COMMD10: variants seen among roughly 807,000 people sequenced by gnomAD.
COMMD10 encodes the protein COMM domain containing 10.
In COMMD10, 33 loss-of-function variants were observed where a neutral mutation model predicts 28.9. The ratio of observed to expected loss-of-function variants is 1.14; its 90% confidence interval spans 0.87 to 1.53. The LOEUF (loss-of-function observed/expected upper bound fraction) is 1.53. Among genes scored for constraint, COMMD10 ranks in the 40% most tolerant of loss-of-function variants. COMMD10 has a pLI of 0.00. For missense variants in COMMD10, 310 were observed against 233.4 expected, an observed-to-expected ratio of 1.33 and a Z score of -2.14; for synonymous variants, 110 against 81.7, an observed-to-expected ratio of 1.35 and a Z score of -1.87.
intron 5 of COMMD10, among the ~76,000 whole-genome samples, chr5:116,191,886 C>T (rs901097382): frequency 3.9e-5 from 6 of 151,954 alleles, no homozygotes; most frequent in African/African-American, 1.2e-4. Flanking sequence ...TCATGGAGTC[C>T]GTTGCACAAC....
chr5:116,108,295 C>A (rs1195858157), intron 4 of COMMD10, among the ~76,000 whole-genome samples: 2 of 152,246 alleles, frequency 1.3e-5, no homozygotes, highest in South Asian at 4.1e-4. Context: ...TCCCCAGGTG[C>A]TCTGTCCCAG....
At chr5:116,140,921 G>A (rs1035729463) in intron 5 of COMMD10, among the ~76,000 whole-genome samples, 4 of 151,736 alleles carry the variant, frequency 2.6e-5, no homozygotes, top group African/African-American at 9.7e-5. Context: ...CTGTACAGGA[G>A]CTTTTAGTTT....
At chr5:116,096,281 C>CT (rs1258489838) in intron 4 of COMMD10, among the ~76,000 whole-genome samples, 1 of 149,966 alleles carries the variant, frequency 6.7e-6, no homozygotes, top group Non-Finnish European at 1.5e-5. Flanking sequence ...TTGTTTTCAG[C>CT]TTATCAATCC....
At chr5:116,276,004 A>G (rs560449069) in intron 5 of COMMD10, among the ~76,000 whole-genome samples, 16 of 151,236 alleles carry the variant, frequency 1.1e-4, no homozygotes, top group African/African-American at 2.9e-4. Context: ...GGAACACACT[A>G]TGTTTTGGAA....
chr5:116,272,649 G>A (rs1033195923), intron 5 of COMMD10, among the ~76,000 whole-genome samples: 11 of 151,760 alleles, frequency 7.2e-5, no homozygotes, highest in African/African-American at 2.4e-4. Context: ...TACATATCCT[G>A]TTACCATTCT....
intron 4 of COMMD10, among the ~76,000 whole-genome samples, chr5:116,096,212 A>G (rs571134883): frequency 1.3e-5 from 2 of 152,122 alleles, no homozygotes; most frequent in East Asian, 1.9e-4. Flanking sequence ...TGACTCCTTA[A>G]TAAGTATTGA....
intron 5 of COMMD10, among the ~76,000 whole-genome samples, chr5:116,278,823 T>TA (rs1214776228): frequency 6.6e-6 from 1 of 151,772 alleles, no homozygotes; most frequent in East Asian, 1.9e-4. Context: ...AATAAATACT[T>TA]AGAGTGTAAT....
chr5:116,215,772 T>C (rs1749084148), intron 5 of COMMD10, among the ~76,000 whole-genome samples: 1 of 148,218 alleles, frequency 6.7e-6, no homozygotes, highest in Admixed American at 6.8e-5. Flanking sequence ...TATTTAAAAA[T>C]AAATAGCATT....
At chr5:116,192,507 TATAGAA>T (rs1307142840) in intron 5 of COMMD10, among the ~76,000 whole-genome samples, 1 of 152,054 alleles carries the variant, frequency 6.6e-6, no homozygotes, top group African/African-American at 2.4e-5. Context: ...TGGACAAACT[TATAGAA>T]ATGTGAAATG....
chr5:116,285,900 C>T (rs12520594), intron 5 of COMMD10, among the ~76,000 whole-genome samples: 7,242 of 151,812 alleles, frequency 0.048, 258 homozygotes, highest in Admixed American at 0.093. Flanking sequence ...GGAAGTATCT[C>T]CTCTTGTTCA....
rs76674465 is a variant in COMMD10, at chr5:116,245,992, A to G, written c.511-45525A>G. 4.2e-3 allele frequency among the ~76,000 whole-genome samples: 647 copies of G among 152,288 alleles called. 6 individuals carry two copies. The highest frequency in any genetic ancestry group is 0.014 in the African/African-American group (592 of 41,560). Reference sequence around the variant, plus strand: ...ATTGGAAGTACTGGCCAGGGCAAATAGGCCAGAGAAAGAAATAAAGGGCAT... The same window carrying G: ...ATTGGAAGTACTGGCCAGGGCAAATGGGCCAGAGAAAGAAATAAAGGGCAT... On this transcript the variant is annotated intron_variant, in intron 5 of 6. Transcript: ENST00000274458.
chr5:116,180,976 A>G (rs1747936751), intron 5 of COMMD10, among the ~76,000 whole-genome samples: 1 of 152,080 alleles, frequency 6.6e-6, no homozygotes, highest in Non-Finnish European at 1.5e-5. Context: ...AACATGGTGA[A>G]ACCCTGTTTC....
chr5:116,126,165 C>T (rs7729414), intron 4 of COMMD10, among the ~76,000 whole-genome samples: 76,608 of 151,976 alleles, frequency 0.5, 21,904 homozygotes, highest in Non-Finnish European at 0.65. Flanking sequence ...GAGTGAACTC[C>T]CATTCACAAT....
chr5:116,248,861 A>C (rs1240308058), intron 5 of COMMD10, among the ~76,000 whole-genome samples: 1 of 152,010 alleles, frequency 6.6e-6, no homozygotes, highest in Non-Finnish European at 1.5e-5. Context: ...AAAAAACAAA[A>C]AAGCAATTTC....
chr5:116,205,644 G>A (rs1748792268), intron 5 of COMMD10, among the ~76,000 whole-genome samples: 1 of 152,056 alleles, frequency 6.6e-6, no homozygotes, highest in African/African-American at 2.4e-5. Context: ...GTGTGTATAT[G>A]TTTTTATGTG....
At chr5:116,260,339 A>G (rs960664983) in intron 5 of COMMD10, among the ~76,000 whole-genome samples, 5 of 151,832 alleles carry the variant, frequency 3.3e-5, no homozygotes, top group African/African-American at 1.2e-4. Flanking sequence ...GAAACTAATG[A>G]CTTTGGAGAA....
At chr5:116,271,134 A>G (rs903331548) in intron 5 of COMMD10, among the ~76,000 whole-genome samples, 1 of 150,822 alleles carries the variant, frequency 6.6e-6, no homozygotes, top group African/African-American at 2.4e-5. Context: ...ATAAAACACT[A>G]TTTCAGTACT....
At chr5:116,187,112 C>CA (rs939419410) in intron 5 of COMMD10, among the ~76,000 whole-genome samples, 4 of 151,862 alleles carry the variant, frequency 2.6e-5, no homozygotes, top group Non-Finnish European at 4.4e-5. Context: ...AAAATCAAAA[C>CA]AAAAAACTTT....
At chr5:116,127,369 G>A (rs944245218) in intron 4 of COMMD10, among the ~76,000 whole-genome samples, 3 of 152,114 alleles carry the variant, frequency 2.0e-5, no homozygotes, top group African/African-American at 7.2e-5. Context: ...ACAGTGTGGC[G>A]ATTCCTCAAA....
Sources: gnomAD v4.1 joint callset for allele counts (sites outside exome capture counted in the v4.1 genomes callset) on GRCh38, gnomAD v4.1.1 for gene constraint, MANE v1.5 for transcripts, NCBI Gene and HGNC (gene_info 2026-07-23, HGNC 2026-07-21) for gene names.